The following RYR1 variants were observed in gnomAD, a reference collection of about 807,000 sequenced individuals.
RYR1 encodes the protein ryanodine receptor 1.
RYR1 carries 342 observed loss-of-function variants against 583.5 expected under a neutral mutation model. That is an observed-to-expected ratio of 0.59 (90% CI 0.54 to 0.64). RYR1 has a LOEUF of 0.64. RYR1 is among the 30% of genes least tolerant of loss of function. The pLI, the probability that RYR1 is intolerant of heterozygous loss-of-function variation, is 0.00. For synonymous variants in RYR1, 2,791 were observed against 2,822.5 expected, an observed-to-expected ratio of 0.99 and a Z score of 0.35; for missense variants, 6,032 against 6,917.2, an observed-to-expected ratio of 0.87 and a Z score of 4.54.
intron 1 of RYR1, among the ~76,000 whole-genome samples, chr19:38,437,574 G>A (rs1459666130): frequency 6.6e-6 from 1 of 152,028 alleles, no homozygotes; most frequent in Admixed American, 6.6e-5. Context: ...CTTCGCTTTG[G>A]GAGGCTGAAG....
At chr19:38,559,228 CTTTTT>C (rs34239565) in intron 89 of RYR1, among the ~76,000 whole-genome samples, 1 of 101,300 alleles carries the variant, frequency 9.9e-6, no homozygotes, top group Non-Finnish European at 2.0e-5. Flanking sequence ...AGGTGGGCTT[CTTTTT>C]TTTTTTTTTT....
At chr19:38,505,156 G>A (rs1241574007) in intron 52 of RYR1, 75 bp downstream of exon 52, 1 of 1,400,166 alleles carries the variant, frequency 7.1e-7, no homozygotes, top group African/African-American at 1.4e-5. Context: ...CTTCCCTGAG[G>A]CCCCAGATCT....
intron 35 of RYR1, 100 bp downstream of exon 35, chr19:38,489,543 A>G (rs1162291484): frequency 7.3e-7 from 1 of 1,376,692 alleles, no homozygotes; most frequent in East Asian, 2.3e-5. Flanking sequence ...GGCAGTGGGG[A>G]GCTGTGGAAA....
intron 78 of RYR1, among the ~76,000 whole-genome samples, 197 bp from the exon 79 acceptor site, chr19:38,534,513 TTATGTAGATC>T (rs1180036017): frequency 6.6e-6 from 1 of 152,224 alleles, no homozygotes; most frequent in Non-Finnish European, 1.5e-5. Flanking sequence ...CAGCTCTGAT[TTATGTAGATC>T]TTGCCTAATG....
At chr19:38,578,295 A>C in intron 99 of RYR1, 91 bp downstream of exon 99, 1 of 1,328,736 alleles carries the variant, frequency 7.5e-7, no homozygotes, top group Non-Finnish European at 1.1e-6. Flanking sequence ...CCAAAGAATG[A>C]CTCCTGGGAC....
intron 68 of RYR1, 44 bp downstream of exon 68, chr19:38,523,159 G>A (rs567072467): frequency 3.6e-5 from 58 of 1,613,568 alleles, no homozygotes; most frequent in South Asian, 1.4e-4. Context: ...CAGAGGAGCC[G>A]CAGCCCACAG....
chr19:38,453,007 A>T lies in RYR1; in HGVS notation c.1433A>T (p.Gln478Leu). Residue 478 changes from glutamine to leucine, a missense_variant, in exon 13 of 106, where the codon CAG becomes CTG. Gln to Leu is a moderately radical substitution (Grantham distance 113). This residue lies in a region of RYR1 where 2,627 missense variants were observed against 2,961.3 expected (regional missense o/e 0.89). Transcript: ENST00000359596. Reference protein sequence around the residue: ...RSLRNRQSLFQEEGMLSMVLN... With the variant: ...RSLRNRQSLFLEEGMLSMVLN... ...CTGCGCAACCGCCAGAGCCTCTTCC[A>T]GGAGGAGGTGAGGACGTGGCGAGGG... 6.2e-7 allele frequency: 1 copy of T among 1,601,634 alleles called. No individual in the cohort carries two copies.
At chr19:38,461,259 C>T (rs1277788222) in intron 20 of RYR1, among the ~76,000 whole-genome samples, 1 of 152,016 alleles carries the variant, frequency 6.6e-6, no homozygotes, top group Non-Finnish European at 1.5e-5. Context: ...ATAGTGATAC[C>T]CCGTCTTTAT....
chr19:38,511,934 G>C, intron 61 of RYR1, 138 bp from the exon 62 acceptor site: 6 of 1,030,708 alleles, frequency 5.8e-6, no homozygotes, highest in South Asian at 4.1e-5. Flanking sequence ...AGGAGTCTGG[G>C]GGGGTGGGGG....
chr19:38,484,353 CTCTT>C (rs113862758), intron 33 of RYR1, among the ~76,000 whole-genome samples: 3,529 of 151,224 alleles, frequency 0.023, 147 homozygotes, highest in African/African-American at 0.082. Context: ...TCTGACATGC[CTCTT>C]TCTTTCTTTC....
chr19:38,533,303 AG>A (rs771469614), intron 78 of RYR1, among the ~76,000 whole-genome samples: 2 of 152,218 alleles, frequency 1.3e-5, no homozygotes, highest in Non-Finnish European at 2.9e-5. Context: ...ACAGTTAGCA[AG>A]CATTTACTTC....
intron 65 of RYR1, among the ~76,000 whole-genome samples, chr19:38,516,908 G>A (rs1420973195): frequency 1.3e-5 from 2 of 152,174 alleles, no homozygotes; most frequent in Non-Finnish European, 2.9e-5. Context: ...TTGGTCAGCT[G>A]TTCTCCCAGA....
Position 38,460,499 on chromosome 19 carries a change from C to T in RYR1, c.2485C>T (p.Arg829Ter), listed in dbSNP as rs778320565. 1.2e-6 allele frequency: 2 copies of T among 1,614,062 alleles called. No homozygotes were observed. The highest frequency in any genetic ancestry group is 1.3e-5 in the African/African-American group (1 of 74,936). Reference protein sequence around the residue: ...RLHLEPIKEYRREGPRGPHLV... With the variant: ...RLHLEPIKEY ...CCATCTTGAACCCATCAAGGAGTAT[C>T]GACGGGAGGGGCCCCGGGGGCCTCA... The change falls in exon 20 of 106, where the codon CGA becomes TGA. Residue 829 changes from arginine to a stop codon, truncating the protein, a stop_gained. Transcript: ENST00000359596. LOFTEE classifies it high-confidence loss of function.
chr19:38,499,883 C>A lies in RYR1; in HGVS notation c.7215-25C>A. ...GCCCTCCCTGGCCCCTGGCTGCCTC[C>A]CCAACCCACCCACCTTCCCTGCAGC... On this transcript the variant is annotated intron_variant, in intron 44 of 105. Coordinates refer to ENST00000359596, the MANE Select transcript of RYR1 (RefSeq NM_000540.3). The surrounding 1 kb of genome is among the most constrained non-coding windows in gnomAD (Gnocchi z 7.3). The A allele has an allele frequency of 6.2e-7, 1 of 1,613,596 alleles. No individual in the cohort carries two copies. Among genetic ancestry groups the A allele is most frequent in the South Asian group, 1.1e-5 (1 of 91,070 alleles).
chr19:38,582,889 C>T (rs1006657150), intron 101 of RYR1, among the ~76,000 whole-genome samples: 1 of 152,174 alleles, frequency 6.6e-6, no homozygotes, highest in Non-Finnish European at 1.5e-5. Flanking sequence ...AACCTGACAT[C>T]TGAGGCTCTT....
chr19:38,548,450 AC>A, intron 89 of RYR1, 30 bp downstream of exon 89: 1 of 1,607,210 alleles, frequency 6.2e-7, no homozygotes, highest in Non-Finnish European at 8.5e-7. Flanking sequence ...TGGGCCCAGG[AC>A]TTGGGTGGGG....
Position 38,570,649 on chromosome 19 carries a change from CTCT to C in RYR1, c.13707_13709del (p.Phe4569del). On this transcript the variant is annotated inframe_deletion, in exon 94 of 106. Coordinates refer to ENST00000359596, the MANE Select transcript of RYR1 (RefSeq NM_000540.3). ...CTTTTACACCCTGCGGTTCCTTGCC[CTCT>C]TCTTGGCATTTGCCATCAACTTCAT... The C allele has an allele frequency of 6.2e-7, 1 of 1,614,070 alleles. No homozygotes were observed. Among genetic ancestry groups the C allele is most frequent in the Non-Finnish European group, 8.5e-7 (1 of 1,179,982 alleles).
At position 38,506,750 on chromosome 19, in the gene RYR1, C is replaced by T. The variant is rs1040545658; in HGVS notation, c.8693-79C>T. 156 of 1,602,570 alleles carry T rather than the reference C, an allele frequency of 9.7e-5. No individual in the cohort carries two copies. The Admixed American group carries it at 1.4e-3, about 15-fold the overall frequency. Reference sequence around the variant, plus strand: ...TCTTTATCACCATAATTACGCATGCCGGGCACTGCAGGAACCACTTCAGTG... The same window carrying T: ...TCTTTATCACCATAATTACGCATGCTGGGCACTGCAGGAACCACTTCAGTG... On this transcript the variant is annotated intron_variant, in intron 56 of 105. Coordinates refer to ENST00000359596, the MANE Select transcript of RYR1 (RefSeq NM_000540.3).
rs369947687 is a variant in RYR1, at chr19:38,459,265, G to A, written c.2287G>A (p.Val763Met). 8 of 1,613,972 alleles carry A rather than the reference G, an allele frequency of 5.0e-6. No individual in the cohort carries two copies. The East Asian group carries it at 1.1e-4, about 22-fold the overall frequency. Residue 763 changes from valine (V) to methionine (M), a missense_variant, in exon 19 of 106, where the codon GTG (valine) becomes ATG (methionine). Physicochemically the swap from Val to Met is conservative, Grantham distance 21. This residue lies in a region of RYR1 where 2,627 missense variants were observed against 2,961.3 expected (regional missense o/e 0.89). Coordinates refer to ENST00000359596, the MANE Select transcript of RYR1 (RefSeq NM_000540.3). ...CTCCTTCCGCATCAACGGCTGCCCCGTGCAGGGTGTCTTTGAGTCCTTCAA... is the reference window on the plus strand; with the variant it reads ...CTCCTTCCGCATCAACGGCTGCCCCATGCAGGGTGTCTTTGAGTCCTTCAA... ...SISFRINGCPVQGVFESFNLD... is the reference protein window; with the variant it reads ...SISFRINGCPMQGVFESFNLD...
Sources: gnomAD v4.1 joint callset for allele counts (sites outside exome capture counted in the v4.1 genomes callset) on GRCh38, gnomAD v4.1.1 for gene constraint, gnomAD v4.1.1 regional missense constraint, Gnocchi (gnomAD v3.1) non-coding constraint, MANE v1.5 for transcripts, NCBI Gene and HGNC (gene_info 2026-07-23, HGNC 2026-07-21) for gene names.